ZNRF1: variants seen among roughly 807,000 people sequenced by gnomAD.
ZNRF1 encodes E3 ubiquitin-protein ligase ZNRF1.
A neutral mutation model predicts 18.4 loss-of-function variants in ZNRF1; 3 were observed. The observed-to-expected ratio is 0.16, with a 90% CI of 0.07 to 0.42. The LOEUF (loss-of-function observed/expected upper bound fraction) is 0.42, where lower values mean the gene tolerates loss of function less well. Among genes scored for constraint, ZNRF1 ranks in the 10% least tolerant of loss-of-function variants. ZNRF1 has a pLI of 0.99. For synonymous variants in ZNRF1, 157 were observed against 144.2 expected (o/e 1.09, Z -0.64); for missense variants, 310 against 329.8 (o/e 0.94, Z 0.47).
At chr16:75,101,838 A>G (rs530768319) in intron 2 of ZNRF1, among the ~76,000 whole-genome samples, 1 of 152,338 alleles carries the variant, frequency 6.6e-6, no homozygotes, top group South Asian at 2.1e-4. Context: ...GCATTTGAAT[A>G]TGTATGGTAG....
chr16:75,047,383 G>C (rs1285226266), intron 1 of ZNRF1, among the ~76,000 whole-genome samples: 1 of 152,178 alleles, frequency 6.6e-6, no homozygotes, highest in African/African-American at 2.4e-5. Flanking sequence ...ATGTTGCCCA[G>C]GCTGGTCTTG....
chr16:75,103,178 C>T (rs2036272797), intron 2 of ZNRF1, among the ~76,000 whole-genome samples: 1 of 152,184 alleles, frequency 6.6e-6, no homozygotes, highest in African/African-American at 2.4e-5. Context: ...TTCACTGTCG[C>T]CGGCACGCAG....
intron 3 of ZNRF1, chr16:75,105,232 C>T (rs767917717): frequency 1.1e-5 from 3 of 270,508 alleles, no homozygotes; most frequent in Non-Finnish European, 2.2e-5. Context: ...TCTTCTTCCT[C>T]TACGGGTCCC....
In ZNRF1 at chr16:74,999,926, G is replaced by A. The variant is rs377066519; in HGVS notation, c.255G>A (p.Ala85=). 1.3e-5 allele frequency: 21 copies of A among 1,559,710 alleles called. No homozygotes were observed. In the African/African-American group the frequency reaches 2.3e-4, roughly 17 times the overall value. Residue 85 remains alanine, a synonymous_variant, in exon 1 of 5, where the codon GCG becomes GCA. Transcript: ENST00000335325. ...GGGGCACCGGCGACTCCGAGAGGGC[G>A]CCCGGCGGCGGAGGGTCTGCGTCCG... ...ASRGTGDSER[A]PGGGGSASDS...
rs1173566635 is a variant in ZNRF1, at chr16:75,000,057, C to T, written c.386C>T (p.Pro129Leu). 1 of 1,602,240 alleles carries T rather than the reference C, an allele frequency of 6.2e-7. No individual in the cohort carries two copies. Among genetic ancestry groups the T allele is most frequent in the Non-Finnish European group, 8.5e-7 (1 of 1,175,674 alleles). The change falls in exon 1 of 5, where the codon CCT becomes CTT. Residue 129 changes from proline (P) to leucine (L), a missense_variant. Around this residue, in one of 2 missense-constraint regions of ZNRF1, gnomAD observed 293 missense variants for 291.2 expected, o/e 1.01. Transcript: ENST00000335325. The part of the protein sequence containing the change: ...GSRASLADAL[P>L]LHIAPRWFSS... ...CGAGCCTCGCTGGCGGATGCTCTAC[C>T]TCTGCACATCGCACCCAGGTGGTTC...
intron 1 of ZNRF1, among the ~76,000 whole-genome samples, chr16:75,007,799 C>A (rs1487096546): frequency 6.6e-6 from 1 of 152,182 alleles, no homozygotes; most frequent in African/African-American, 2.4e-5. Flanking sequence ...TTTTCTCTCC[C>A]CAAACAGAGA....
chr16:75,090,876 T>C (rs901177982), intron 1 of ZNRF1, among the ~76,000 whole-genome samples: 1 of 152,202 alleles, frequency 6.6e-6, no homozygotes, highest in African/African-American at 2.4e-5. Flanking sequence ...TCACGGCTTT[T>C]CATGCAGAGT....
At chr16:75,022,520 T>A (rs1597863053) in intron 1 of ZNRF1, among the ~76,000 whole-genome samples, 1 of 146,788 alleles carries the variant, frequency 6.8e-6, no homozygotes, top group Non-Finnish European at 1.5e-5. Flanking sequence ...GAGCCGAGAT[T>A]GTGCCACTGC....
chr16:75,027,988 G>A (rs193116014), intron 1 of ZNRF1, among the ~76,000 whole-genome samples: 1 of 152,164 alleles, frequency 6.6e-6, no homozygotes, highest in Admixed American at 6.6e-5. Context: ...ACTCGCCACC[G>A]TATCCACCCA....
At chr16:75,000,151 C>G in intron 1 of ZNRF1, 56 bp downstream of exon 1, 1 of 1,559,666 alleles carries the variant, frequency 6.4e-7, no homozygotes, top group East Asian at 2.4e-5. Context: ...GCGCCCCAAG[C>G]CTTCGCGTGC....
At chr16:75,040,368 C>T (rs1490825097) in intron 1 of ZNRF1, among the ~76,000 whole-genome samples, 1 of 152,014 alleles carries the variant, frequency 6.6e-6, no homozygotes, top group East Asian at 1.9e-4. Context: ...AATCCTCTCA[C>T]TTTGTCCTCC....
At position 75,058,487 on chromosome 16, in the gene ZNRF1, A is replaced by G. The variant is rs75489559; in HGVS notation, c.425-35085A>G. On this transcript the variant is annotated intron_variant, in intron 1 of 4. Transcript: ENST00000335325. ...TTGCAGTCAGCAGGAACTAAGGAGA[A>G]TAACAGAGTAGCCAAGGCCTCTCAA... Among the ~76,000 whole-genome samples the G allele has an allele frequency of 1.6e-3, 241 of 152,352 alleles. 2 individuals carry two copies. Among genetic ancestry groups the G allele is most frequent in the African/African-American group, 5.7e-3 (235 of 41,588 alleles).
intron 2 of ZNRF1, among the ~76,000 whole-genome samples, chr16:75,098,948 T>TG (rs763967549): frequency 4.8e-4 from 73 of 152,308 alleles, no homozygotes; most frequent in Middle Eastern, 3.4e-3. Flanking sequence ...GAGCCTGGCA[T>TG]GGTGGAGGGC....
intron 1 of ZNRF1, among the ~76,000 whole-genome samples, chr16:75,013,123 A>G (rs770012023): frequency 6.6e-6 from 1 of 152,174 alleles, no homozygotes. Flanking sequence ...GAAAGGACCA[A>G]TTTTTCTTAG....
chr16:75,057,151 C>T (rs573704677), intron 1 of ZNRF1, among the ~76,000 whole-genome samples: 23 of 152,230 alleles, frequency 1.5e-4, no homozygotes, highest in African/African-American at 2.2e-4. Context: ...CAGGTACTAC[C>T]GGGGCATCTT....
intron 1 of ZNRF1, among the ~76,000 whole-genome samples, chr16:75,013,079 A>T (rs550161216): frequency 3.5e-4 from 54 of 152,344 alleles, no homozygotes; most frequent in Non-Finnish European, 5.9e-4. Flanking sequence ...TAACTCCTTC[A>T]AACAAGGAAA....
chr16:75,095,792 G>A (rs543076123), intron 2 of ZNRF1: 130 of 1,460,258 alleles, frequency 8.9e-5, no homozygotes, highest in Admixed American at 7.7e-4. Context: ...TGCCTGGGAC[G>A]CCACCATGTG....
intron 1 of ZNRF1, among the ~76,000 whole-genome samples, chr16:75,038,809 C>T (rs2035406104): frequency 6.6e-6 from 1 of 152,158 alleles, no homozygotes; most frequent in Non-Finnish European, 1.5e-5. Flanking sequence ...AGTCCTCCCA[C>T]TCCTTTGAGC....
intron 1 of ZNRF1, among the ~76,000 whole-genome samples, chr16:75,012,616 G>T (rs192880836): frequency 1.3e-5 from 2 of 152,274 alleles, no homozygotes; most frequent in Admixed American, 1.3e-4. Context: ...AACATTTAGG[G>T]ATACTGAGAG....
Sources: gnomAD v4.1 joint callset for allele counts (sites outside exome capture counted in the v4.1 genomes callset) on GRCh38, gnomAD v4.1.1 for gene constraint, gnomAD v4.1.1 regional missense constraint, MANE v1.5 for transcripts, NCBI Gene and HGNC (gene_info 2026-07-23, HGNC 2026-07-21) for gene names.